The following DCC variants were observed in gnomAD, a reference collection of about 807,000 sequenced individuals.
DCC encodes DCC netrin 1 receptor.
DCC carries 58 observed loss-of-function variants against 172.5 expected under a neutral mutation model. The observed-to-expected ratio is 0.34, with a 90% CI of 0.27 to 0.42. The LOEUF is 0.42. Among genes scored for constraint, DCC ranks in the 10% least tolerant of loss-of-function variants. The pLI, the probability that DCC is intolerant of heterozygous loss-of-function variation, is 1.00. For missense variants in DCC, 1,740 were observed against 1,791.0 expected (o/e 0.97, Z 0.51); for synonymous variants, 709 against 644.5 (o/e 1.10, Z -1.52).
At chr18:52,704,892 G>A (rs2036180485) in intron 1 of DCC, among the ~76,000 whole-genome samples, 1 of 152,084 alleles carries the variant, frequency 6.6e-6, no homozygotes, top group African/African-American at 2.4e-5. Flanking sequence ...TCTTTGAGCT[G>A]GAGGCTATGT....
chr18:53,370,356 C>A (rs986042839), intron 15 of DCC, among the ~76,000 whole-genome samples: 1 of 151,738 alleles, frequency 6.6e-6, no homozygotes, highest in Non-Finnish European at 1.5e-5. Context: ...GTTCATCAAG[C>A]CAAAGGTTTG....
At chr18:53,507,315 T>C (rs538661729) in intron 27 of DCC, among the ~76,000 whole-genome samples, 3 of 152,280 alleles carry the variant, frequency 2.0e-5, no homozygotes, top group Middle Eastern at 3.4e-3. Context: ...AAATCTAACA[T>C]ACTGAAAGCA....
At position 52,481,719 on chromosome 18, in the gene DCC, C is replaced by CTGA. The variant is rs1278096595; in HGVS notation, c.91+140841_91+140842insTGA. The stretch of plus-strand genomic sequence containing the variant: ...AACTCTAACAGTGACGACTTAGGGT[C>CTGA]CAGATCTGGCTCTGACACTGTCTGC... On this transcript the variant is annotated intron_variant, in intron 1 of 28. Coordinates refer to ENST00000442544, the MANE Select transcript of DCC (RefSeq NM_005215.4). Among the ~76,000 whole-genome samples, 4 of 152,154 alleles carry CTGA rather than the reference C, an allele frequency of 2.6e-5. No homozygotes were observed. In the East Asian group the frequency reaches 7.7e-4, roughly 29 times the overall value.
At chr18:52,801,854 A>G (rs1672352670) in intron 2 of DCC, among the ~76,000 whole-genome samples, 1 of 152,202 alleles carries the variant, frequency 6.6e-6, no homozygotes, top group African/African-American at 2.4e-5. Flanking sequence ...TAAAGAATAT[A>G]AAACATGCAA....
chr18:52,959,074 G>A (rs141600847), intron 5 of DCC, among the ~76,000 whole-genome samples: 2,060 of 152,190 alleles, frequency 0.014, 61 homozygotes, highest in African/African-American at 0.048. Flanking sequence ...GGAAGCCAAA[G>A]GACTGGACAC....
chr18:53,035,309 A>C (rs577395406), intron 5 of DCC, among the ~76,000 whole-genome samples: 2 of 152,046 alleles, frequency 1.3e-5, no homozygotes, highest in Admixed American at 6.6e-5. Context: ...ACTAAAGTAC[A>C]ATATGTGCTC....
At chr18:52,762,393 G>A (rs546392867) in intron 2 of DCC, among the ~76,000 whole-genome samples, 2 of 151,986 alleles carry the variant, frequency 1.3e-5, no homozygotes, top group South Asian at 4.2e-4. Flanking sequence ...AGGATCACTT[G>A]AGCCAGGAGA....
At chr18:53,149,774 A>AT (rs1315804288) in intron 7 of DCC, among the ~76,000 whole-genome samples, 1 of 152,172 alleles carries the variant, frequency 6.6e-6, no homozygotes, top group Non-Finnish European at 1.5e-5. Flanking sequence ...AGCTATAGTT[A>AT]TCGTTGCTGA....
chr18:52,456,879 A>G (rs1345662286), intron 1 of DCC, among the ~76,000 whole-genome samples: 4 of 152,118 alleles, frequency 2.6e-5, no homozygotes, highest in African/African-American at 7.2e-5. Context: ...GGTCTTTCCA[A>G]TGTAAAGCAC....
intron 7 of DCC, among the ~76,000 whole-genome samples, chr18:53,145,348 C>CAA: frequency 6.6e-6 from 1 of 152,100 alleles, no homozygotes; most frequent in East Asian, 1.9e-4. Flanking sequence ...CTCCTGGCCT[C>CAA]GTGATCCGCC....
chr18:52,820,592 G>A (rs2038387882), intron 2 of DCC, among the ~76,000 whole-genome samples: 1 of 152,056 alleles, frequency 6.6e-6, no homozygotes, highest in Non-Finnish European at 1.5e-5. Flanking sequence ...AATTGAACAG[G>A]ATGAAAAGGG....
chr18:52,436,790 C>G (rs532581053), intron 1 of DCC, among the ~76,000 whole-genome samples: 1 of 152,184 alleles, frequency 6.6e-6, no homozygotes, highest in East Asian at 1.9e-4. Context: ...CATGGTGGTA[C>G]GCACCAGTAG....
intron 24 of DCC, among the ~76,000 whole-genome samples, chr18:53,466,191 A>G (rs1289247920): frequency 1.3e-5 from 2 of 152,196 alleles, no homozygotes; most frequent in Non-Finnish European, 2.9e-5. Flanking sequence ...AACAGGTGCA[A>G]TCACAGGCAT....
chr18:52,956,412 C>G (rs983455216), intron 5 of DCC, among the ~76,000 whole-genome samples: 1 of 152,022 alleles, frequency 6.6e-6, no homozygotes, highest in Non-Finnish European at 1.5e-5. Context: ...TTTCTGAGCT[C>G]TCTGTCCTGT....
chr18:53,003,048 T>C (rs2041590333), intron 5 of DCC, among the ~76,000 whole-genome samples: 1 of 152,042 alleles, frequency 6.6e-6, no homozygotes. Flanking sequence ...GGTACATAGC[T>C]TTAGGGGGAA....
At chr18:52,585,071 C>G (rs573679123) in intron 1 of DCC, among the ~76,000 whole-genome samples, 1 of 152,224 alleles carries the variant, frequency 6.6e-6, no homozygotes, top group Non-Finnish European at 1.5e-5. Flanking sequence ...TTTTACAAAG[C>G]ACACGCTCAC....
At chr18:52,346,781 G>A (rs1187220734) in intron 1 of DCC, among the ~76,000 whole-genome samples, 6 of 152,116 alleles carry the variant, frequency 3.9e-5, no homozygotes, top group Non-Finnish European at 8.8e-5. Flanking sequence ...CTTATGGCAT[G>A]ACTTCTGTAG....
At chr18:53,499,916 AATC>A (rs1461439512) in intron 27 of DCC, among the ~76,000 whole-genome samples, 2 of 152,242 alleles carry the variant, frequency 1.3e-5, no homozygotes, top group African/African-American at 4.8e-5. Flanking sequence ...TTTTTAGAGA[AATC>A]ATAATTCTAA....
chr18:53,075,253 T>C (rs1347984585), intron 7 of DCC, among the ~76,000 whole-genome samples: 1 of 152,216 alleles, frequency 6.6e-6, no homozygotes, highest in African/African-American at 2.4e-5. Context: ...ATCAGTTTAA[T>C]AATGACTTGC....
Sources: gnomAD v4.1 joint callset for allele counts (sites outside exome capture counted in the v4.1 genomes callset) on GRCh38, gnomAD v4.1.1 for gene constraint, MANE v1.5 for transcripts, NCBI Gene and HGNC (gene_info 2026-07-23, HGNC 2026-07-21) for gene names.